Variants in ZFHX3 observed in about 807,000 individuals in gnomAD.
The protein encoded by ZFHX3 is zinc finger homeobox 3, also known as zinc finger homeobox protein 3.
Under a neutral mutation model 279.1 loss-of-function variants are expected in ZFHX3, and 42 were observed. That is an observed-to-expected ratio of 0.15 (90% CI 0.12 to 0.19). ZFHX3 has a LOEUF of 0.19. Ranked by LOEUF, ZFHX3 falls within the 10% of genes least tolerant of loss-of-function variation. The pLI is 1.00. For synonymous variants in ZFHX3, 2,293 were observed against 1,957.8 expected (o/e 1.17, Z -4.52); for missense variants, 4,981 against 4,754.0 (o/e 1.05, Z -1.40).
At chr16:72,935,343 C>T (rs373662364) in intron 3 of ZFHX3, among the ~76,000 whole-genome samples, 1 of 152,124 alleles carries the variant, frequency 6.6e-6, no homozygotes, top group Non-Finnish European at 1.5e-5. Flanking sequence ...GACAAAGACG[C>T]TCGCCCAAGG....
Position 72,785,461 on chromosome 16 carries a change from C to A in ZFHX3, c.*1703G>T, listed in dbSNP as rs1304743369. 2 of 152,634 alleles carry A rather than the reference C, an allele frequency of 1.3e-5. No homozygotes were observed. Among genetic ancestry groups the A allele is most frequent in the Non-Finnish European group, 2.9e-5 (2 of 68,020 alleles). The allele number at this position is 152,634 out of a possible 1,614,324, so 9.5% of individuals were successfully genotyped here. A position where few individuals can be genotyped will look rare whatever the true frequency, so the allele number is the denominator to read the frequency against. On this transcript the variant is annotated 3_prime_UTR_variant, in exon 10 of 10. Transcript: ENST00000268489. Reference sequence around the variant, plus strand: ...ATTGTCATTAACATTTGCCTCTCTGCTTGCAGAAGAAGCACATAACAACCT... The same window carrying A: ...ATTGTCATTAACATTTGCCTCTCTGATTGCAGAAGAAGCACATAACAACCT...
chr16:73,538,016 G>C (rs1170248233), intron 2 of ZFHX3, among the ~76,000 whole-genome samples: 3 of 152,174 alleles, frequency 2.0e-5, no homozygotes, highest in Admixed American at 2.0e-4. Flanking sequence ...ATGCTGACTG[G>C]TCATTTTTGC....
At chr16:72,905,082 C>T (rs1409491290) in intron 3 of ZFHX3, among the ~76,000 whole-genome samples, 6 of 152,094 alleles carry the variant, frequency 3.9e-5, no homozygotes, top group African/African-American at 9.7e-5. Context: ...TCAAGTGATC[C>T]GCCCACCAAG....
rs1209879238 is a variant in ZFHX3 at position 72,958,835 on chromosome 16, C to T, written c.1311G>A (p.Gly437=). 1 of 1,613,986 alleles carries T rather than the reference C, an allele frequency of 6.2e-7. No individual in the cohort carries two copies. The highest frequency in any genetic ancestry group is 8.5e-7 in the Non-Finnish European group (1 of 1,180,036). ...PTKSSEGKDS[G]AAEGEKQEVG... ...CTTCCTGCTTCTCTCCTTCTGCCGC[C>T]CCAGAGTCCTTGCCCTCTGAGGATT... Residue 437 remains glycine (G), a synonymous_variant, in exon 2 of 10, where the codon GGG becomes GGA. Transcript: ENST00000268489.
At chr16:73,553,374 G>A (rs757277624) in intron 2 of ZFHX3, among the ~76,000 whole-genome samples, 1 of 152,106 alleles carries the variant, frequency 6.6e-6, no homozygotes, top group Non-Finnish European at 1.5e-5. Flanking sequence ...CATCACATGA[G>A]ATAAAAATAT....
At chr16:73,411,930 G>C (rs965154208) in intron 3 of ZFHX3, among the ~76,000 whole-genome samples, 1 of 152,132 alleles carries the variant, frequency 6.6e-6, no homozygotes, top group African/African-American at 2.4e-5. Context: ...GTCTTTCTTG[G>C]TTCCTTTGTT....
At chr16:73,716,826 G>A (rs2053420896) in intron 1 of ZFHX3, among the ~76,000 whole-genome samples, 1 of 152,028 alleles carries the variant, frequency 6.6e-6, no homozygotes, top group African/African-American at 2.4e-5. Flanking sequence ...GTACAGAGAT[G>A]CCTCACCGTC....
At chr16:73,582,376 T>C (rs1038528402) in intron 2 of ZFHX3, among the ~76,000 whole-genome samples, 1 of 151,872 alleles carries the variant, frequency 6.6e-6, no homozygotes, top group Admixed American at 6.6e-5. Context: ...AAACCCCAAA[T>C]GGACAAATAA....
intron 2 of ZFHX3, among the ~76,000 whole-genome samples, chr16:73,479,409 TCATC>T (rs1262005741): frequency 2.0e-4 from 30 of 152,254 alleles, no homozygotes; most frequent in Admixed American, 1.3e-3. Context: ...CACTCATCCT[TCATC>T]CATGCTATTA....
chr16:73,399,692 T>G (rs1007211563), intron 3 of ZFHX3, among the ~76,000 whole-genome samples: 13 of 152,182 alleles, frequency 8.5e-5, no homozygotes, highest in African/African-American at 3.1e-4. Flanking sequence ...AGTGCTGTTT[T>G]GTCTCCATGC....
At chr16:72,963,590 A>G (rs925043015) in intron 1 of ZFHX3, among the ~76,000 whole-genome samples, 7 of 152,180 alleles carry the variant, frequency 4.6e-5, no homozygotes, top group Non-Finnish European at 5.9e-5. Flanking sequence ...TGTAAAGCCC[A>G]CTGCATCTTT....
At chr16:73,570,967 T>C (rs2051728516) in intron 2 of ZFHX3, among the ~76,000 whole-genome samples, 1 of 129,560 alleles carries the variant, frequency 7.7e-6, no homozygotes, top group Admixed American at 7.5e-5. Context: ...AAAAAAAATC[T>C]GCAAACACTG....
intron 2 of ZFHX3, among the ~76,000 whole-genome samples, chr16:73,595,025 C>G (rs1037537201): frequency 6.6e-6 from 1 of 152,140 alleles, no homozygotes; most frequent in Non-Finnish European, 1.5e-5. Context: ...AACATGGTCC[C>G]TTGAGGATGA....
Position 73,273,134 on chromosome 16 carries a change from G to C in ZFHX3, c.-1193-15998C>G, listed in dbSNP as rs538962609. Among the ~76,000 whole-genome samples the C allele has an allele frequency of 3.9e-5, 6 of 152,126 alleles. No individual in the cohort carries two copies. The South Asian group carries it at 1.0e-3, about 26-fold the overall frequency. Reference sequence around the variant, plus strand: ...CCACCAGTCTTTCAGCCCCTAACGAGGCTAAACTGATAAGGGTGTTCTAAT... The same window carrying C: ...CCACCAGTCTTTCAGCCCCTAACGACGCTAAACTGATAAGGGTGTTCTAAT... On this transcript the variant is annotated intron_variant, in intron 4 of 17. Coordinates refer to the ZFHX3 transcript ENST00000641206.
In ZFHX3 at chr16:73,308,267, ATATATATATATTTATT is replaced by A. The variant is rs1194482658; in HGVS notation, c.-1194+9957_-1194+9972del. 2.8e-3 allele frequency among the ~76,000 whole-genome samples: 52 copies of A among 18,262 alleles called. 1 individual carries two copies. The highest frequency in any genetic ancestry group is 4.7e-3 in the African/African-American group (34 of 7,298). 12.0% of individuals were successfully genotyped at this position (18,262 alleles called of 152,430 possible). A position where few individuals can be genotyped will look rare whatever the true frequency, so the allele number is the denominator to read the frequency against. ...TATATATATATATATATATATATAT[ATATATATATATTTATT>A]TATTTATTTTTGAGACAGAGTTTCA... On this transcript the variant is annotated intron_variant, in intron 4 of 17. Coordinates refer to the ZFHX3 transcript ENST00000641206.
At position 73,687,200 on chromosome 16, in the gene ZFHX3, G is replaced by A. The variant is rs574292514; in HGVS notation, c.-1607-6960C>T. Among the ~76,000 whole-genome samples the A allele has an allele frequency of 7.3e-5, 11 of 149,764 alleles. No individual in the cohort carries two copies. The South Asian group carries it at 2.3e-3, about 32-fold the overall frequency. ...GCTCAGGAGTTTGAGACCAGCCTGG[G>A]CAACATGGTAAAACCCCATCTCTAA... On this transcript the variant is annotated intron_variant, in intron 1 of 17. Transcript: ENST00000641206.
intron 3 of ZFHX3, among the ~76,000 whole-genome samples, chr16:73,433,620 T>A (rs2017946425): frequency 6.6e-6 from 1 of 152,182 alleles, no homozygotes; most frequent in Admixed American, 6.5e-5. Context: ...GCAGTTTGCA[T>A]ACACACAGGG....
intron 5 of ZFHX3, among the ~76,000 whole-genome samples, chr16:73,181,573 T>C (rs1487983729): frequency 6.6e-6 from 1 of 152,192 alleles, no homozygotes; most frequent in Non-Finnish European, 1.5e-5. Flanking sequence ...ATGAGTAGTC[T>C]CGGGGTTAAA....
chr16:73,381,040 T>A (rs1007595839), intron 3 of ZFHX3, among the ~76,000 whole-genome samples: 1 of 152,300 alleles, frequency 6.6e-6, no homozygotes, highest in South Asian at 2.1e-4. Flanking sequence ...TAACCACTAT[T>A]TTACTAGTTA....
Sources: gnomAD v4.1 joint callset for allele counts (sites outside exome capture counted in the v4.1 genomes callset) on GRCh38, gnomAD v4.1.1 for gene constraint, MANE v1.5 for transcripts, NCBI Gene and HGNC (gene_info 2026-07-23, HGNC 2026-07-21) for gene names.